SHISA9: variants seen among roughly 807,000 people sequenced by gnomAD.
SHISA9 encodes the protein shisa family member 9.
Under a neutral mutation model 38.0 loss-of-function variants are expected in SHISA9, and 13 were observed. That is an observed-to-expected ratio of 0.34 (90% confidence interval 0.22 to 0.54). The LOEUF (loss-of-function observed/expected upper bound fraction) is 0.54. Ranked by LOEUF, SHISA9 falls within the 20% of genes least tolerant of loss-of-function variation. The probability of loss-of-function intolerance (pLI) is 0.91; values close to 1 mark genes in which losing one functional copy is unlikely to be tolerated. For missense variants in SHISA9, 538 were observed against 575.8 expected, an observed-to-expected ratio of 0.93 and a Z score of 0.67; for synonymous variants, 275 against 242.0, an observed-to-expected ratio of 1.14 and a Z score of -1.27.
At chr16:13,454,468 G>A in the SHISA9 span, among the ~76,000 whole-genome samples, 1 of 152,296 alleles carries the variant, frequency 6.6e-6, no homozygotes, top group South Asian at 2.1e-4. Flanking sequence ...ATGAGTGCTT[G>A]CTACATGCCA....
At chr16:13,343,139 A>G in the SHISA9 span, among the ~76,000 whole-genome samples, 2 of 152,184 alleles carry the variant, frequency 1.3e-5, no homozygotes, top group Non-Finnish European at 2.9e-5. Context: ...AACCCGACCT[A>G]TTCTTAGCTG....
rs753882508 is a variant in SHISA9 at position 13,192,961 on chromosome 16, GGAA to G, written c.692-10432_692-10430del. 3.5e-3 allele frequency among the ~76,000 whole-genome samples: 533 copies of G among 151,604 alleles called. 4 individuals are homozygous for G. The highest frequency in any genetic ancestry group is 0.012 in the African/African-American group (495 of 41,144). On this transcript the variant is annotated intron_variant, in intron 2 of 4. Transcript: ENST00000558583. ...AGAGGAAGAAGAAGAAGGAGGAGGA[GGAA>G]AAGAAGAAGAAGGAGAAGAAGAAAC...
the SHISA9 span, among the ~76,000 whole-genome samples, chr16:13,355,474 A>T: frequency 4.6e-5 from 7 of 152,124 alleles, no homozygotes; most frequent in Middle Eastern, 3.4e-3. Context: ...AAGGGCGGCA[A>T]TGAGATATAG....
intron 1 of SHISA9, among the ~76,000 whole-genome samples, chr16:12,912,130 C>G (rs898157018): frequency 8.6e-5 from 13 of 151,008 alleles, no homozygotes; most frequent in Non-Finnish European, 1.8e-4. Context: ...TAAGACCATA[C>G]AAAAAAGTTC....
In SHISA9 at chr16:13,189,901, AAGACT is replaced by A. The variant is rs770893505; in HGVS notation, c.692-13491_692-13487del. ...GACTGACAATGATGGAAGACAAAGGAAGACTACACGATAGAAGGAATTAGGAGGAG... is the reference window on the plus strand; with the variant it reads ...GACTGACAATGATGGAAGACAAAGGAACACGATAGAAGGAATTAGGAGGAG... On this transcript the variant is annotated intron_variant, in intron 2 of 4. Transcript: ENST00000558583. 2.4e-4 allele frequency among the ~76,000 whole-genome samples: 37 copies of A among 152,284 alleles called. 1 individual carries two copies. In the East Asian group the frequency reaches 3.3e-3, roughly 14 times the overall value.
intron 2 of SHISA9, among the ~76,000 whole-genome samples, chr16:13,095,282 T>C (rs1257078978): frequency 6.6e-6 from 1 of 152,254 alleles, no homozygotes; most frequent in Non-Finnish European, 1.5e-5. Context: ...AGCAATCTGC[T>C]TTTGTGCTTT....
chr16:13,440,686 T>G, the SHISA9 span, among the ~76,000 whole-genome samples: 81 of 152,304 alleles, frequency 5.3e-4, 3 homozygotes, highest in Admixed American at 1.4e-3. Context: ...CCCAGCACTT[T>G]GGGAGGCCGA....
chr16:13,538,230 AAGCAAT>A, the SHISA9 span, among the ~76,000 whole-genome samples: 1 of 152,144 alleles, frequency 6.6e-6, no homozygotes, highest in Non-Finnish European at 1.5e-5. Context: ...CATGGCCTCA[AAGCAAT>A]AGCTCAGGTC....
At chr16:13,455,394 C>T in the SHISA9 span, among the ~76,000 whole-genome samples, 1 of 152,184 alleles carries the variant, frequency 6.6e-6, no homozygotes, top group Non-Finnish European at 1.5e-5. Context: ...ATATTGGCTT[C>T]AAGTGCACCT....
chr16:13,003,270 G>C (rs1381843977), intron 2 of SHISA9, among the ~76,000 whole-genome samples: 1 of 152,204 alleles, frequency 6.6e-6, no homozygotes. Context: ...CCATGGACAT[G>C]TTTCAAGGCA....
At chr16:13,108,416 C>A (rs997537274) in intron 2 of SHISA9, among the ~76,000 whole-genome samples, 2 of 152,142 alleles carry the variant, frequency 1.3e-5, no homozygotes, top group Admixed American at 1.3e-4. Flanking sequence ...AGGCAGGCAC[C>A]ATCATGCCCG....
chr16:13,068,698 A>G lies in SHISA9; in HGVS notation c.692-134696A>G, dbSNP rs925429891. Among the ~76,000 whole-genome samples, 20 of 152,356 alleles carry G rather than the reference A, an allele frequency of 1.3e-4. 2 individuals are homozygous for G. Among genetic ancestry groups the G allele is most frequent in the Admixed American group, 1.0e-3 (16 of 15,302 alleles). On this transcript the variant is annotated intron_variant, in intron 2 of 4. Coordinates refer to ENST00000558583, the MANE Select transcript of SHISA9 (RefSeq NM_001145204.3). ...AGCCTAGCATCCCCTGCAACCTGTG[A>G]TGGTAAAAGGGTCTGAGATGTGTGT...
At chr16:13,348,615 C>T in the SHISA9 span, among the ~76,000 whole-genome samples, 1 of 151,702 alleles carries the variant, frequency 6.6e-6, no homozygotes, top group Non-Finnish European at 1.5e-5. Context: ...TAACCAACCA[C>T]AGACAGAGAC....
At chr16:13,227,419 A>G (rs533926066) in intron 4 of SHISA9, among the ~76,000 whole-genome samples, 1 of 152,256 alleles carries the variant, frequency 6.6e-6, no homozygotes, top group Non-Finnish European at 1.5e-5. Context: ...AGAAGAGGAG[A>G]ATGAAGTCAA....
the SHISA9 span, among the ~76,000 whole-genome samples, chr16:13,525,301 G>A: frequency 6.6e-6 from 1 of 152,076 alleles, no homozygotes; most frequent in Admixed American, 6.6e-5. Context: ...GAATGAATCG[G>A]ATGCCATCTT....
chr16:13,440,748 C>T, the SHISA9 span, among the ~76,000 whole-genome samples: 6 of 151,994 alleles, frequency 3.9e-5, no homozygotes, highest in Admixed American at 6.6e-5. Flanking sequence ...ATGGTGAAAT[C>T]CCTTCTCTGC....
the SHISA9 span, among the ~76,000 whole-genome samples, chr16:13,496,085 A>G: frequency 6.6e-6 from 1 of 152,200 alleles, no homozygotes; most frequent in African/African-American, 2.4e-5. Flanking sequence ...TAGATACACT[A>G]AATGCCACTG....
the SHISA9 span, among the ~76,000 whole-genome samples, chr16:13,469,320 G>GAGAGAAAGAA: frequency 1.8e-3 from 110 of 61,586 alleles, 3 homozygotes; most frequent in Middle Eastern, 0.014. Flanking sequence ...GAGAGAGAGA[G>GAGAGAAAGAA]AGAAAGAAAG....
At chr16:13,073,966 T>G (rs867571078) in intron 2 of SHISA9, among the ~76,000 whole-genome samples, 10 of 126,082 alleles carry the variant, frequency 7.9e-5, no homozygotes, top group African/African-American at 3.1e-4. Context: ...CGTTTTTTTT[T>G]TTGTTTTTTT....
Sources: allele counts gnomAD v4.1 joint callset (sites outside exome capture counted in the v4.1 genomes callset), GRCh38; gene constraint gnomAD v4.1.1; transcripts MANE v1.5; gene names NCBI Gene and HGNC (gene_info 2026-07-23, HGNC 2026-07-21).